The following GPLD1 variants were observed in gnomAD, a reference collection of about 807,000 sequenced individuals.
GPLD1 encodes glycosylphosphatidylinositol specific phospholipase D1.
In GPLD1, 84 loss-of-function variants were observed where a neutral mutation model predicts 112.6. That is an observed-to-expected ratio of 0.75 (90% confidence interval 0.63 to 0.89). The LOEUF is 0.89. GPLD1 is among the 40% of genes least tolerant of loss of function. GPLD1 has a pLI of 0.00. For missense variants in GPLD1, 1,044 were observed against 1,051.5 expected, an observed-to-expected ratio of 0.99 and a Z score of 0.10; for synonymous variants, 386 against 403.8, an observed-to-expected ratio of 0.96 and a Z score of 0.53.
At chr6:24,470,651 T>C (rs1763770080) in intron 7 of GPLD1, among the ~76,000 whole-genome samples, 1 of 152,228 alleles carries the variant, frequency 6.6e-6, no homozygotes, top group Non-Finnish European at 1.5e-5. Flanking sequence ...CAGGCTGAAG[T>C]GCAATGGCAT....
rs747135395 is a variant in GPLD1, at chr6:24,437,274, AC to A, written c.2035del (p.Val679TrpfsTer4). The A allele has an allele frequency of 6.2e-7, 1 of 1,613,708 alleles. No individual in the cohort carries two copies. Among genetic ancestry groups the A allele is most frequent in the South Asian group, 1.1e-5 (1 of 91,070 alleles). On this transcript the variant is annotated frameshift_variant, in exon 21 of 25. Transcript: ENST00000230036. LOFTEE classifies it high-confidence loss of function. The stretch of plus-strand genomic sequence containing the variant: ...GTGTAGGGTCACGGTCAGGAATGCC[AC>A]CTTAGACACGTCATCTGAAACGAAC... ...GAPTYDDVSK[V>X]AFLTVTLHQG...
At chr6:24,463,224 G>A (rs1403894031) in intron 10 of GPLD1, among the ~76,000 whole-genome samples, 3 of 152,148 alleles carry the variant, frequency 2.0e-5, no homozygotes, top group African/African-American at 7.2e-5. Context: ...TAATTAAATA[G>A]CTAATGAAGG....
intron 5 of GPLD1, among the ~76,000 whole-genome samples, chr6:24,474,748 TG>T (rs1763950509): frequency 6.6e-6 from 1 of 152,160 alleles, no homozygotes; most frequent in Non-Finnish European, 1.5e-5. Context: ...AAGACCACCC[TG>T]GCCAACATGG....
At chr6:24,475,046 A>G (rs898245634) in intron 5 of GPLD1, 75 bp downstream of exon 5, 7 of 792,784 alleles carry the variant, frequency 8.8e-6, no homozygotes, top group African/African-American at 8.5e-5. Context: ...CTTTCTTTTA[A>G]AACGGTCAGG....
In GPLD1 at chr6:24,454,185, C is replaced by T. The variant is rs1273679342; in HGVS notation, c.1165G>A (p.Asp389Asn). ...ARLGWAMTSA[D>N]LNQDGHGDLV... Reference sequence around the variant, plus strand: ...TCACCGTGCCCATCCTGGTTGAGGTCAGCTGAGGTCATTGCCCTTAGGGAA... The same window carrying T: ...TCACCGTGCCCATCCTGGTTGAGGTTAGCTGAGGTCATTGCCCTTAGGGAA... Residue 389 changes from aspartate to asparagine, a missense_variant, in exon 14 of 25, where the codon GAC (aspartate) becomes AAC (asparagine). Asp to Asn is a conservative substitution (Grantham distance 23). Coordinates refer to ENST00000230036, the MANE Select transcript of GPLD1 (RefSeq NM_001503.4). 2 of 1,612,034 alleles carry T rather than the reference C, an allele frequency of 1.2e-6. No homozygotes were observed. The highest frequency in any genetic ancestry group is 1.3e-5 in the African/African-American group (1 of 74,860).
chr6:24,471,516 C>T (rs1349808844), intron 7 of GPLD1, among the ~76,000 whole-genome samples: 3 of 152,060 alleles, frequency 2.0e-5, no homozygotes, highest in Admixed American at 6.6e-5. Flanking sequence ...TATTGTAGAT[C>T]AGCAAGGAAA....
intron 14 of GPLD1, among the ~76,000 whole-genome samples, chr6:24,451,311 C>T (rs1389180603): frequency 6.6e-6 from 1 of 151,062 alleles, no homozygotes; most frequent in Non-Finnish European, 1.5e-5. Flanking sequence ...AAGTAATTCA[C>T]TGGGTTTTCC....
At chr6:24,475,550 A>C (rs1339611005) in intron 4 of GPLD1, among the ~76,000 whole-genome samples, 2 of 150,088 alleles carry the variant, frequency 1.3e-5, no homozygotes, top group Non-Finnish European at 1.5e-5. Context: ...AAAAAAAAAA[A>C]AAACCACACA....
At chr6:24,447,067 A>G (rs757679400) in intron 17 of GPLD1, 88 bp from the exon 18 acceptor site, 3 of 1,243,106 alleles carry the variant, frequency 2.4e-6, no homozygotes, top group Non-Finnish European at 3.4e-6. Context: ...GTAGCCTAAT[A>G]GAAGTGGGTT....
At chr6:24,470,353 C>T (rs1174552843) in intron 7 of GPLD1, among the ~76,000 whole-genome samples, 1 of 152,126 alleles carries the variant, frequency 6.6e-6, no homozygotes, top group African/African-American at 2.4e-5. Flanking sequence ...CGATAAAAAG[C>T]TCAATTCACA....
intron 20 of GPLD1, among the ~76,000 whole-genome samples, chr6:24,441,945 T>C (rs1157120276): frequency 6.7e-6 from 1 of 149,088 alleles, no homozygotes; most frequent in Non-Finnish European, 1.5e-5. Context: ...CATTAATTCA[T>C]ATTTATATAT....
intron 4 of GPLD1, among the ~76,000 whole-genome samples, chr6:24,475,619 T>G (rs1581779477): frequency 7.3e-6 from 1 of 137,764 alleles, no homozygotes; most frequent in Non-Finnish European, 1.5e-5. Flanking sequence ...CCTATGCAGG[T>G]GGATCACGAG....
chr6:24,460,739 A>ATTTT (rs535822410), intron 11 of GPLD1, among the ~76,000 whole-genome samples: 1 of 139,496 alleles, frequency 7.2e-6, no homozygotes, highest in Non-Finnish European at 1.5e-5. Flanking sequence ...AAGCATACTG[A>ATTTT]TTTTTTTTTT....
At chr6:24,488,873 C>T (rs1764471212) in intron 1 of GPLD1, among the ~76,000 whole-genome samples, 1 of 152,138 alleles carries the variant, frequency 6.6e-6, no homozygotes, top group Non-Finnish European at 1.5e-5. Context: ...TCTCCAACTC[C>T]TGCCATCTTC....
rs75832195 is a variant in GPLD1, at chr6:24,427,967, T to C, written c.*1065A>G. On this transcript the variant is annotated 3_prime_UTR_variant, in exon 25 of 25. Coordinates refer to ENST00000230036, the MANE Select transcript of GPLD1 (RefSeq NM_001503.4). The stretch of plus-strand genomic sequence containing the variant: ...GTGGGTGCTAAGTTAAAAGAACTTA[T>C]GAACACAAAACAACACACACTGGGG... 0.12 allele frequency among the ~76,000 whole-genome samples: 18,731 copies of C among 151,826 alleles called. 1,461 individuals are homozygous for C. Among genetic ancestry groups the C allele is most frequent in the East Asian group, 0.16 (809 of 5,148 alleles).
intron 10 of GPLD1, among the ~76,000 whole-genome samples, chr6:24,465,210 AAAAGAAAAG>A (rs1273891434): frequency 8.0e-5 from 8 of 100,204 alleles, no homozygotes; most frequent in Non-Finnish European, 1.3e-4. Context: ...AAAAAAAAAA[AAAAGAAAAG>A]AAAAGAAAAG....
rs751917450 is a variant in GPLD1, at chr6:24,454,078, C to T, written c.1272G>A (p.Leu424=). 2 of 1,613,818 alleles carry T rather than the reference C, an allele frequency of 1.2e-6. No individual in the cohort carries two copies. Among genetic ancestry groups the T allele is most frequent in the Admixed American group, 3.3e-5 (2 of 59,998 alleles). ...GGTCCAGGTCAACAGGTGGCAGGCC[C>T]AGGTCATTGCCGTAGATGAGGTACA... is the stretch of plus-strand genomic sequence containing the variant. ...GRVYLIYGND[L]GLPPVDLDLD... is the part of the protein sequence containing the mutation. Residue 424 remains leucine (L), a synonymous_variant, in exon 14 of 25, where the codon CTG becomes CTA. Coordinates refer to ENST00000230036, the MANE Select transcript of GPLD1 (RefSeq NM_001503.4).
chr6:24,474,976 A>G (rs1043736845), intron 5 of GPLD1, 145 bp downstream of exon 5: 49 of 530,648 alleles, frequency 9.2e-5, no homozygotes, highest in Non-Finnish European at 1.5e-4. Flanking sequence ...ACAAATTGGA[A>G]AAGATGGGAC....
intron 24 of GPLD1, among the ~76,000 whole-genome samples, chr6:24,429,683 G>A (rs1381680579): frequency 6.6e-6 from 1 of 152,156 alleles, no homozygotes; most frequent in Non-Finnish European, 1.5e-5. Context: ...GAGTAGCGGA[G>A]ATTACAGGCA....
Sources: allele counts gnomAD v4.1 joint callset (sites outside exome capture counted in the v4.1 genomes callset), GRCh38; gene constraint gnomAD v4.1.1; transcripts MANE v1.5; gene names NCBI Gene and HGNC (gene_info 2026-07-23, HGNC 2026-07-21).